Variants in CMSS1 observed in about 807,000 individuals in gnomAD.
CMSS1 encodes cms1 ribosomal small subunit homolog.
CMSS1 carries 33 observed loss-of-function variants against 43.5 expected under a neutral mutation model. The ratio of observed to expected loss-of-function variants is 0.76; its 90% CI spans 0.57 to 1.01. CMSS1 has a LOEUF of 1.01. Among genes scored for constraint, CMSS1 ranks in the 50% least tolerant of loss-of-function variants. The pLI is 0.00. For synonymous variants in CMSS1, 115 were observed against 117.2 expected (o/e 0.98, Z 0.12); for missense variants, 313 against 326.4 (o/e 0.96, Z 0.32).
chr3:99,830,845 T>C (rs1418620459), intron 1 of CMSS1, among the ~76,000 whole-genome samples: 1 of 152,206 alleles, frequency 6.6e-6, no homozygotes, highest in Non-Finnish European at 1.5e-5. Flanking sequence ...CAGAGATGAA[T>C]AGATATTTGG....
chr3:99,932,697 C>T (rs939716682), intron 1 of CMSS1, among the ~76,000 whole-genome samples: 4 of 152,130 alleles, frequency 2.6e-5, no homozygotes, highest in African/African-American at 9.7e-5. Flanking sequence ...CAAGACCAGC[C>T]TGGCCAACAT....
chr3:99,972,890 C>T (rs899877435), intron 1 of CMSS1, among the ~76,000 whole-genome samples: 3 of 152,184 alleles, frequency 2.0e-5, no homozygotes, highest in Admixed American at 6.5e-5. Flanking sequence ...AAATAATGAA[C>T]TCCTTTGTTG....
chr3:99,981,302 C>T (rs900566172), intron 1 of CMSS1, among the ~76,000 whole-genome samples: 2 of 152,172 alleles, frequency 1.3e-5, no homozygotes, highest in African/African-American at 4.8e-5. Flanking sequence ...CAGGACTAAG[C>T]TCTGATGTCA....
intron 1 of CMSS1, chr3:100,041,081 G>A (rs2065197346): frequency 6.6e-6 from 1 of 152,166 alleles, no homozygotes; most frequent in Non-Finnish European, 1.5e-5. Context: ...TCCTTAGACA[G>A]TTGGATGTGA....
At chr3:99,949,447 G>A (rs2107686607) in intron 1 of CMSS1, among the ~76,000 whole-genome samples, 1 of 152,260 alleles carries the variant, frequency 6.6e-6, no homozygotes, top group South Asian at 2.1e-4. Flanking sequence ...TTTACTTGAG[G>A]AAGTCAGGAA....
intron 1 of CMSS1, among the ~76,000 whole-genome samples, chr3:100,126,034 T>C (rs2066659517): frequency 6.6e-6 from 1 of 152,244 alleles, no homozygotes; most frequent in African/African-American, 2.4e-5. Flanking sequence ...AACGTCTGTA[T>C]GATGATCTAT....
At chr3:99,849,681 A>G (rs566961988) in intron 1 of CMSS1, 1 of 1,613,510 alleles carries the variant, frequency 6.2e-7, no homozygotes, top group African/African-American at 1.3e-5. Context: ...TGTCTCGTTC[A>G]TTAGCATACC....
At chr3:99,874,082 G>C (rs1705382228) in intron 1 of CMSS1, among the ~76,000 whole-genome samples, 1 of 152,146 alleles carries the variant, frequency 6.6e-6, no homozygotes, top group Non-Finnish European at 1.5e-5. Flanking sequence ...TTATGTGATT[G>C]TTCTTTGAAC....
intron 1 of CMSS1, among the ~76,000 whole-genome samples, chr3:99,877,430 G>GCA (rs1350881333): frequency 6.6e-6 from 1 of 152,044 alleles, no homozygotes; most frequent in Non-Finnish European, 1.5e-5. Context: ...AAGATGCAGG[G>GCA]CACAACATTA....
chr3:100,071,751 G>A (rs1193978186), intron 1 of CMSS1, among the ~76,000 whole-genome samples: 1 of 151,998 alleles, frequency 6.6e-6, no homozygotes, highest in Non-Finnish European at 1.5e-5. Flanking sequence ...TCCTTGTCTG[G>A]CTCTACCTCC....
At chr3:100,086,692 G>A (rs1444988129) in intron 1 of CMSS1, among the ~76,000 whole-genome samples, 1 of 152,108 alleles carries the variant, frequency 6.6e-6, no homozygotes, top group Admixed American at 6.5e-5. Context: ...GGGAGCAATG[G>A]CTAACCCATT....
rs534720770 is a variant in CMSS1, at chr3:99,857,544, A to G, written c.64+39501A>G. ...TATGTTTGTTTATTACATAAGCAAC[A>G]TTGTATCAACAGCAGTGACAGTGGA... is the stretch of plus-strand genomic sequence containing the variant. On this transcript the variant is annotated intron_variant, in intron 1 of 9. Coordinates refer to ENST00000421999, the MANE Select transcript of CMSS1 (RefSeq NM_032359.4). Among the ~76,000 whole-genome samples, 340 of 152,388 alleles carry G rather than the reference A, an allele frequency of 2.2e-3. 1 individual carries two copies. The highest frequency in any genetic ancestry group is 4.2e-3 in the Non-Finnish European group (283 of 68,044).
intron 1 of CMSS1, among the ~76,000 whole-genome samples, chr3:99,847,392 C>A (rs1375126817): frequency 6.7e-6 from 1 of 149,410 alleles, no homozygotes; most frequent in Non-Finnish European, 1.5e-5. Flanking sequence ...GAGTTTATGT[C>A]ACAGTGGCTG....
chr3:100,041,876 C>A (rs2065210874), intron 1 of CMSS1, among the ~76,000 whole-genome samples: 2 of 152,138 alleles, frequency 1.3e-5, no homozygotes, highest in African/African-American at 4.8e-5. Context: ...CTGACCCCAA[C>A]TACAATTTGA....
intron 1 of CMSS1, among the ~76,000 whole-genome samples, chr3:100,144,188 T>C (rs2066828234): frequency 2.0e-5 from 3 of 152,214 alleles, no homozygotes; most frequent in African/African-American, 7.2e-5. Context: ...TATGGGTTAC[T>C]TGAACATATT....
chr3:99,868,169 T>C (rs1392070469), intron 1 of CMSS1, among the ~76,000 whole-genome samples: 1 of 152,206 alleles, frequency 6.6e-6, no homozygotes, highest in Non-Finnish European at 1.5e-5. Context: ...GCTCAGGAAG[T>C]TGTTTCTTAC....
intron 1 of CMSS1, among the ~76,000 whole-genome samples, chr3:100,042,573 A>G (rs1023923910): frequency 2.0e-5 from 3 of 152,230 alleles, no homozygotes; most frequent in Non-Finnish European, 2.9e-5. Context: ...TTGGTAATCC[A>G]TGTATGGTTC....
chr3:99,877,396 T>A (rs964273283), intron 1 of CMSS1, among the ~76,000 whole-genome samples: 2 of 152,174 alleles, frequency 1.3e-5, no homozygotes, highest in Non-Finnish European at 2.9e-5. Flanking sequence ...TTTGCAGAGT[T>A]GTTAGTGGAA....
chr3:100,010,694 A>C (rs1710121935), intron 1 of CMSS1, among the ~76,000 whole-genome samples: 2 of 146,956 alleles, frequency 1.4e-5, no homozygotes, highest in African/African-American at 5.0e-5. Flanking sequence ...TGCCCACTGC[A>C]ACTTCTACCT....
Sources: allele counts gnomAD v4.1 joint callset (sites outside exome capture counted in the v4.1 genomes callset), GRCh38; gene constraint gnomAD v4.1.1; transcripts MANE v1.5; gene names NCBI Gene and HGNC (gene_info 2026-07-23, HGNC 2026-07-21).